The following SLC9C2 variants were observed in gnomAD, a reference collection of about 807,000 sequenced individuals.
SLC9C2 encodes sodium/hydrogen exchanger 11.
SLC9C2 carries 75 observed loss-of-function variants against 140.2 expected under a neutral mutation model. The ratio of observed to expected loss-of-function variants is 0.53; its 90% CI spans 0.44 to 0.65. The LOEUF is 0.65. SLC9C2 is among the 30% of genes least tolerant of loss of function. The pLI is 0.00. For synonymous variants in SLC9C2, 375 were observed against 420.9 expected (o/e 0.89, Z 1.34); for missense variants, 1,074 against 1,331.8 (o/e 0.81, Z 3.01).
intron 9 of SLC9C2, among the ~76,000 whole-genome samples, chr1:173,570,882 C>T (rs1434441326): frequency 6.6e-6 from 1 of 151,864 alleles, no homozygotes; most frequent in Non-Finnish European, 1.5e-5. Context: ...TCTCTCTCTG[C>T]ACCACACAGC....
chr1:173,519,466 T>C (rs1171514342), intron 22 of SLC9C2, among the ~76,000 whole-genome samples: 1 of 152,054 alleles, frequency 6.6e-6, no homozygotes, highest in Non-Finnish European at 1.5e-5. Context: ...ATTGGATTTC[T>C]GACCTACACA....
intron 9 of SLC9C2, among the ~76,000 whole-genome samples, chr1:173,560,124 C>T (rs976426940): frequency 6.6e-6 from 1 of 152,206 alleles, no homozygotes; most frequent in Non-Finnish European, 1.5e-5. Flanking sequence ...TCAGGAGCTA[C>T]ATATAAACTC....
chr1:173,509,975 G>T (rs1440381922), intron 23 of SLC9C2, among the ~76,000 whole-genome samples: 1 of 152,182 alleles, frequency 6.6e-6, no homozygotes, highest in Admixed American at 6.5e-5. Context: ...TATGGCTCAT[G>T]AGCCCAAAGT....
intron 23 of SLC9C2, among the ~76,000 whole-genome samples, chr1:173,514,633 C>A (rs979289732): frequency 1.3e-5 from 2 of 152,084 alleles, no homozygotes; most frequent in African/African-American, 2.4e-5. Context: ...GGCATTTAGC[C>A]CATTTACATT....
intron 23 of SLC9C2, among the ~76,000 whole-genome samples, chr1:173,512,087 A>G (rs994233299): frequency 3.3e-5 from 5 of 152,188 alleles, no homozygotes; most frequent in Non-Finnish European, 4.4e-5. Context: ...AGCTAGCGTG[A>G]TGCCTCCAGC....
chr1:173,547,884 CAAT>C, intron 12 of SLC9C2, 100 bp from the exon 13 acceptor site: 1 of 812,474 alleles, frequency 1.2e-6, no homozygotes, highest in Non-Finnish European at 1.9e-6. Flanking sequence ...ACAAAGATTC[CAAT>C]AATTCAAAGC....
chr1:173,581,489 C>G (rs1329443974), intron 7 of SLC9C2, among the ~76,000 whole-genome samples: 1 of 152,158 alleles, frequency 6.6e-6, no homozygotes, highest in East Asian at 1.9e-4. Context: ...TCAGGAGCAT[C>G]TCTCCTAGCC....
intron 8 of SLC9C2, 55 bp from the exon 9 acceptor site, chr1:173,573,380 T>G: frequency 8.0e-7 from 1 of 1,252,916 alleles, no homozygotes; most frequent in South Asian, 1.6e-5. Context: ...AAAATATATT[T>G]TCCTTTTCAT....
At chr1:173,505,591 G>A (rs1293211140) in intron 25 of SLC9C2, among the ~76,000 whole-genome samples, 2 of 152,126 alleles carry the variant, frequency 1.3e-5, no homozygotes, top group African/African-American at 4.8e-5. Context: ...AGTTTGGAAA[G>A]CAGGGAATCC....
At chr1:173,520,009 G>A (rs745574) in intron 22 of SLC9C2, among the ~76,000 whole-genome samples, 29,748 of 151,948 alleles carry the variant, frequency 0.2, 4,206 homozygotes, top group East Asian at 0.64. Context: ...GCGTGGTGGT[G>A]CGTGCCTGTA....
intron 10 of SLC9C2, among the ~76,000 whole-genome samples, chr1:173,556,018 A>T (rs1431689510): frequency 6.6e-6 from 1 of 152,188 alleles, no homozygotes; most frequent in Non-Finnish European, 1.5e-5. Flanking sequence ...TAGTAAAGAG[A>T]AGTTCTAGGA....
chr1:173,555,424 T>A (rs897525517), intron 10 of SLC9C2: 4 of 152,124 alleles, frequency 2.6e-5, no homozygotes, highest in African/African-American at 9.7e-5. Flanking sequence ...AAAAGAGGAG[T>A]TAATAGTAAT....
At position 173,600,159 on chromosome 1, in the gene SLC9C2, T is replaced by C. The variant is rs1256721349; in HGVS notation, c.186A>G (p.Leu62=). 1 of 1,612,206 alleles carries C rather than the reference T, an allele frequency of 6.2e-7. No individual in the cohort carries two copies. Among genetic ancestry groups the C allele is most frequent in the Non-Finnish European group, 8.5e-7 (1 of 1,179,040 alleles). ...CCATGTGTCCTATCACGAATCCTGA[T>C]AGAGAAAGAATCGTCAAAACAATGA... is the stretch of plus-strand genomic sequence containing the variant. ...CEVIVLTILS[L]SGFVIGHMAY... is the part of the protein sequence containing the mutation. Residue 62 remains leucine (L), a synonymous_variant, in exon 3 of 28, where the codon CTA becomes CTG. Transcript: ENST00000367714.
chr1:173,559,773 C>G (rs943650286), intron 9 of SLC9C2, among the ~76,000 whole-genome samples: 1 of 152,190 alleles, frequency 6.6e-6, no homozygotes, highest in African/African-American at 2.4e-5. Context: ...GTCAACCCAC[C>G]ATTTCTACTC....
At position 173,524,829 on chromosome 1, in the gene SLC9C2, G is replaced by A; in HGVS notation, c.2464C>T (p.Leu822Phe). The A allele has an allele frequency of 6.2e-7, 1 of 1,614,026 alleles. No individual in the cohort carries two copies. The change falls in exon 20 of 28, where the codon CTT (leucine) becomes TTT (phenylalanine). Residue 822 changes from leucine (L) to phenylalanine (F), a missense_variant. Leu to Phe is a conservative substitution (Grantham distance 22). Transcript: ENST00000367714. ...TTATCAATAATGCCTCTTGAACAAAGGAAGGTGAGATTTTTTAGAGCTTTA... is the reference window on the plus strand; with the variant it reads ...TTATCAATAATGCCTCTTGAACAAAAGAAGGTGAGATTTTTTAGAGCTTTA... ...IAKALKNLTF[L>F]CSRGIIDKHE...
Position 173,537,136 on chromosome 1 carries a change from CAA to C in SLC9C2, c.1558-99_1558-98del, listed in dbSNP as rs563640452. The C allele has an allele frequency of 5.3e-4, 459 of 871,826 alleles. 3 individuals are homozygous for C. The Middle Eastern group carries it at 6.8e-3, about 13-fold the overall frequency. The allele number at this position is 871,826 out of a possible 1,614,324, so 54.0% of individuals were successfully genotyped here. On this transcript the variant is annotated intron_variant, in intron 13 of 27. Coordinates refer to ENST00000367714, the MANE Select transcript of SLC9C2 (RefSeq NM_178527.4). The stretch of plus-strand genomic sequence containing the variant: ...TAGCCCTCACTATTATTACTGAACT[CAA>C]TATATCAAAATATGCCATTACAAAA...
chr1:173,528,972 C>A (rs1196313010), intron 18 of SLC9C2, among the ~76,000 whole-genome samples: 1 of 152,076 alleles, frequency 6.6e-6, no homozygotes, highest in Non-Finnish European at 1.5e-5. Context: ...AGCAAAATAT[C>A]TTTTAAGATG....
chr1:173,554,488 T>C (rs1229505669), intron 11 of SLC9C2, among the ~76,000 whole-genome samples: 1 of 152,220 alleles, frequency 6.6e-6, no homozygotes. Context: ...CTCACACTTC[T>C]GGACTTTTTG....
intron 3 of SLC9C2, among the ~76,000 whole-genome samples, chr1:173,599,530 A>C (rs947648367): frequency 4.0e-5 from 6 of 150,834 alleles, no homozygotes; most frequent in Non-Finnish European, 7.4e-5. Context: ...GCCCGCCACA[A>C]CACCTGGCTA....
Sources: gnomAD v4.1 joint callset for allele counts (sites outside exome capture counted in the v4.1 genomes callset) on GRCh38, gnomAD v4.1.1 for gene constraint, MANE v1.5 for transcripts, NCBI Gene and HGNC (gene_info 2026-07-23, HGNC 2026-07-21) for gene names.